Variants in EXOC6B observed in about 807,000 individuals in gnomAD.
The protein encoded by EXOC6B is exocyst complex component 6B.
EXOC6B carries 54 observed loss-of-function variants against 113.5 expected under a neutral mutation model. That is an observed-to-expected ratio of 0.48 (90% CI 0.38 to 0.60). The LOEUF (loss-of-function observed/expected upper bound fraction) is 0.60. Ranked by LOEUF, EXOC6B falls within the 20% of genes least tolerant of loss-of-function variation. The pLI is 0.00. For missense variants in EXOC6B, 797 were observed against 977.5 expected (o/e 0.82, Z 2.46); for synonymous variants, 357 against 339.0 (o/e 1.05, Z -0.58).
At chr2:72,636,136 T>G (rs1672801068) in intron 6 of EXOC6B, among the ~76,000 whole-genome samples, 1 of 152,074 alleles carries the variant, frequency 6.6e-6, no homozygotes, top group Non-Finnish European at 1.5e-5. Context: ...GGCAGGAGGA[T>G]GGCTTGACCT....
intron 17 of EXOC6B, among the ~76,000 whole-genome samples, chr2:72,476,782 G>C (rs1698771680): frequency 6.6e-6 from 1 of 152,102 alleles, no homozygotes; most frequent in Admixed American, 6.6e-5. Context: ...ATAAAACAAA[G>C]TGCTTCTCAG....
rs1693268220 is a variant in EXOC6B at position 72,401,595 on chromosome 2, ATATATATG to A, written c.1981-21733_1981-21726del. Among the ~76,000 whole-genome samples the A allele has an allele frequency of 2.5e-4, 11 of 43,606 alleles. 1 individual carries two copies. In the African/African-American group the frequency reaches 3.0e-3, roughly 12 times the overall value. 28.6% of individuals were successfully genotyped at this position (43,606 alleles called of 152,430 possible). A position where few individuals can be genotyped will look rare whatever the true frequency, so the allele number is the denominator to read the frequency against. On this transcript the variant is annotated intron_variant, in intron 18 of 21. Coordinates refer to ENST00000272427, the MANE Select transcript of EXOC6B (RefSeq NM_015189.3). ...TATATATATATACATATATATATAT[ATATATATG>A]TGTATATATATATATATACATATAT... is the stretch of plus-strand genomic sequence containing the variant.
intron 6 of EXOC6B, among the ~76,000 whole-genome samples, chr2:72,670,932 T>A (rs1006821641): frequency 6.6e-6 from 1 of 152,080 alleles, no homozygotes; most frequent in African/African-American, 2.4e-5. Flanking sequence ...CTTAGGCCCC[T>A]CCCATGAACC....
intron 18 of EXOC6B, among the ~76,000 whole-genome samples, chr2:72,439,727 G>C (rs963701962): frequency 1.3e-5 from 2 of 152,134 alleles, no homozygotes; most frequent in African/African-American, 4.8e-5. Context: ...TGTCATTTCA[G>C]CCATCTCAGC....
rs70963124 is a variant in EXOC6B at position 72,335,548 on chromosome 2, G to GCACA, written c.2123-532_2123-529dup. On this transcript the variant is annotated intron_variant, in intron 19 of 21. Transcript: ENST00000272427. ...TGTATTATCTCATGACTGCATTATT[G>GCACA]CACACACACACACACACACACACAC... is the stretch of plus-strand genomic sequence containing the variant. Among the ~76,000 whole-genome samples the GCACA allele has an allele frequency of 1.4e-3, 191 of 134,996 alleles. 1 individual carries two copies. Among genetic ancestry groups the GCACA allele is most frequent in the African/African-American group, 3.9e-3 (143 of 37,030 alleles). 88.6% of individuals were successfully genotyped at this position (134,996 alleles called of 152,430 possible). A position where few individuals can be genotyped will look rare whatever the true frequency, so the allele number is the denominator to read the frequency against.
At chr2:72,701,337 T>C (rs1678328162) in intron 6 of EXOC6B, among the ~76,000 whole-genome samples, 1 of 138,436 alleles carries the variant, frequency 7.2e-6, no homozygotes, top group South Asian at 2.3e-4. Context: ...CAAGACTCCA[T>C]CTTCAAAAAA....
chr2:72,694,522 A>G (rs573587845), intron 6 of EXOC6B, among the ~76,000 whole-genome samples: 1 of 152,360 alleles, frequency 6.6e-6, no homozygotes, highest in South Asian at 2.1e-4. Context: ...CAGAAGATAG[A>G]TAATTCTTCC....
chr2:72,336,457 A>T (rs1688692001), intron 19 of EXOC6B, among the ~76,000 whole-genome samples: 1 of 152,204 alleles, frequency 6.6e-6, no homozygotes, highest in Non-Finnish European at 1.5e-5. Context: ...TGCAGGAATT[A>T]TGAGAACATT....
At chr2:72,266,004 G>T (rs1239774764) in intron 20 of EXOC6B, among the ~76,000 whole-genome samples, 1 of 152,226 alleles carries the variant, frequency 6.6e-6, no homozygotes, top group Admixed American at 6.5e-5. Context: ...CTGATGGCCA[G>T]TGATGATGAG....
At chr2:72,767,971 G>C (rs1314838716) in intron 1 of EXOC6B, among the ~76,000 whole-genome samples, 1 of 150,708 alleles carries the variant, frequency 6.6e-6, no homozygotes, top group Non-Finnish European at 1.5e-5. Flanking sequence ...ATAAAAATTA[G>C]AGGAGAGTAA....
intron 6 of EXOC6B, among the ~76,000 whole-genome samples, chr2:72,619,529 G>T (rs1275226474): frequency 6.6e-6 from 1 of 152,102 alleles, no homozygotes; most frequent in Non-Finnish European, 1.5e-5. Context: ...GAACAGGATG[G>T]CAGATAAAAG....
intron 6 of EXOC6B, among the ~76,000 whole-genome samples, chr2:72,664,236 A>G (rs931003995): frequency 6.6e-6 from 1 of 152,142 alleles, no homozygotes; most frequent in Non-Finnish European, 1.5e-5. Context: ...AGACACCAAA[A>G]TATTGAGTAA....
At chr2:72,255,180 C>G (rs1040906715) in intron 20 of EXOC6B, among the ~76,000 whole-genome samples, 1 of 152,086 alleles carries the variant, frequency 6.6e-6, no homozygotes, top group African/African-American at 2.4e-5. Context: ...AATGCAGGAC[C>G]CTTCTGTCTA....
chr2:72,467,549 T>C (rs558670360), intron 17 of EXOC6B, among the ~76,000 whole-genome samples: 32 of 152,262 alleles, frequency 2.1e-4, no homozygotes, highest in African/African-American at 7.2e-4. Flanking sequence ...TATATCATTG[T>C]GGTTTTAGTT....
intron 20 of EXOC6B, among the ~76,000 whole-genome samples, chr2:72,259,963 G>T (rs1380451297): frequency 6.6e-6 from 1 of 152,052 alleles, no homozygotes; most frequent in African/African-American, 2.4e-5. Flanking sequence ...GAGGTGCGAG[G>T]ATGACTTGAG....
At chr2:72,677,674 A>G (rs898221961) in intron 6 of EXOC6B, among the ~76,000 whole-genome samples, 1 of 152,240 alleles carries the variant, frequency 6.6e-6, no homozygotes, top group Non-Finnish European at 1.5e-5. Context: ...TTATTCACAA[A>G]TATCATCAAA....
intron 6 of EXOC6B, among the ~76,000 whole-genome samples, chr2:72,716,771 G>C (rs899533864): frequency 6.6e-6 from 1 of 152,024 alleles, no homozygotes. Context: ...CTGGCCTCAC[G>C]TTAAATAAAG....
intron 18 of EXOC6B, among the ~76,000 whole-genome samples, chr2:72,386,462 C>T (rs1365776458): frequency 2.6e-5 from 4 of 152,176 alleles, no homozygotes; most frequent in African/African-American, 9.7e-5. Context: ...GCAGCCCCTC[C>T]CATCACAGGC....
chr2:72,334,211 C>T (rs1479321105), intron 20 of EXOC6B, among the ~76,000 whole-genome samples: 4 of 152,052 alleles, frequency 2.6e-5, no homozygotes, highest in East Asian at 1.9e-4. Flanking sequence ...CCTCACTAGG[C>T]CCCCGCTCAC....
Sources: allele counts gnomAD v4.1 joint callset (sites outside exome capture counted in the v4.1 genomes callset), GRCh38; gene constraint gnomAD v4.1.1; transcripts MANE v1.5; gene names NCBI Gene and HGNC (gene_info 2026-07-23, HGNC 2026-07-21).